NRL: variants seen among roughly 807,000 people sequenced by gnomAD.
NRL encodes neural retina leucine zipper, also known as neural retina-specific leucine zipper protein.
Under a neutral mutation model 12.5 loss-of-function variants are expected in NRL, and 16 were observed. The observed-to-expected ratio is 1.28, with a 90% CI of 0.87 to 1.95. The LOEUF (loss-of-function observed/expected upper bound fraction) is 1.95. Among genes scored for constraint, NRL ranks in the 30% most tolerant of loss-of-function variants. The pLI, the probability that NRL is intolerant of heterozygous loss-of-function variation, is 0.00. For missense variants in NRL, 314 were observed against 325.8 expected, an observed-to-expected ratio of 0.96 and a Z score of 0.28; for synonymous variants, 142 against 150.9, an observed-to-expected ratio of 0.94 and a Z score of 0.43.
chr14:24,083,006 C>T, intron 1 of NRL, 131 bp from the exon 2 acceptor site: 2 of 829,586 alleles, frequency 2.4e-6, no homozygotes, highest in Middle Eastern at 3.6e-4. Flanking sequence ...TGGTGCAGCT[C>T]TGTTCACTGC....
rs1283835572 is a variant in NRL, at chr14:24,094,291, G to A, written c.-27-11416C>T. 3.8e-6 allele frequency: 4 copies of A among 1,044,046 alleles called. No homozygotes were observed. The highest frequency in any genetic ancestry group is 1.7e-5 in the African/African-American group (1 of 59,920). The allele number at this position is 1,044,046 out of a possible 1,614,324, so 64.7% of individuals were successfully genotyped here. A position where few individuals can be genotyped will look rare whatever the true frequency, so the allele number is the denominator to read the frequency against. ...GCGCCTGCCCCCCTCCTTTTTAAGC[G>A]CCTCCCGCCAGCCTCTGCTGTGGCT... On this transcript the variant is annotated intron_variant, in intron 1 of 2. Transcript: ENST00000561028. The surrounding 1 kb of genome is among the most constrained non-coding windows in gnomAD (Gnocchi z 4.1).
At position 24,081,730 on chromosome 14, in the gene NRL, G is replaced by C. The variant is rs1566559819; in HGVS notation, c.382-162C>G. ...CGCAGTCTGTTTCGGTCCAGAGCCC[G>C]CCCCAGGCCCCGACGCTCCCCGGGC... On this transcript the variant is annotated intron_variant, in intron 2 of 2. Coordinates refer to ENST00000561028, the MANE Select transcript of NRL (RefSeq NM_001354768.3). The surrounding 1 kb of genome is among the most constrained non-coding windows in gnomAD (Gnocchi z 4.4). 4 of 1,521,316 alleles carry C rather than the reference G, an allele frequency of 2.6e-6. No individual in the cohort carries two copies. In the Admixed American group the frequency reaches 8.0e-5, roughly 30 times the overall value. The allele number at this position is 1,521,316 out of a possible 1,614,324, so 94.2% of individuals were successfully genotyped here. A position where few individuals can be genotyped will look rare whatever the true frequency, so the allele number is the denominator to read the frequency against.
intron 1 of NRL, chr14:24,102,565 A>G (rs2037203354): frequency 1.7e-6 from 1 of 601,190 alleles, no homozygotes; most frequent in East Asian, 2.6e-5. Context: ...CCGCACCTTC[A>G]TGGCTAAACA....
intron 1 of NRL, among the ~76,000 whole-genome samples, chr14:24,087,092 G>A (rs1229099409): frequency 2.0e-5 from 3 of 152,216 alleles, no homozygotes; most frequent in Middle Eastern, 3.2e-3. Flanking sequence ...AGGAGACTAA[G>A]GAGGCAGTAG....
At chr14:24,108,336 C>A (rs2037369508) in intron 1 of NRL, among the ~76,000 whole-genome samples, 1 of 152,272 alleles carries the variant, frequency 6.6e-6, no homozygotes, top group African/African-American at 2.4e-5. Flanking sequence ...TATTCAAAAT[C>A]AGGGCTAAAG....
rs1157578002 is a variant in NRL at position 24,082,918 on chromosome 14, G to A, written c.-27-43C>T. Reference sequence around the variant, plus strand: ...GGTCTGGAGCACATGGAGGCCACCTGCCATCCCCTCTTCACCAAGTCCCTC... The same window carrying A: ...GGTCTGGAGCACATGGAGGCCACCTACCATCCCCTCTTCACCAAGTCCCTC... On this transcript the variant is annotated intron_variant, in intron 1 of 2. Coordinates refer to ENST00000561028, the MANE Select transcript of NRL (RefSeq NM_001354768.3). 1.5e-5 allele frequency: 23 copies of A among 1,538,960 alleles called. No individual in the cohort carries two copies. In the Admixed American group the frequency reaches 4.3e-4, roughly 29 times the overall value.
intron 1 of NRL, chr14:24,097,175 C>T (rs370135081): frequency 1.9e-6 from 3 of 1,600,306 alleles, no homozygotes; most frequent in Non-Finnish European, 2.6e-6. Flanking sequence ...GATAGGTGCA[C>T]TGAGGCCACT....
At chr14:24,107,771 T>C (rs186981895) in intron 1 of NRL, among the ~76,000 whole-genome samples, 19 of 152,376 alleles carry the variant, frequency 1.2e-4, no homozygotes, top group Admixed American at 4.6e-4. Context: ...ACAGCCATAT[T>C]TGAGTTGTCA....
chr14:24,099,733 C>G (rs369324616), intron 1 of NRL: 3 of 1,609,640 alleles, frequency 1.9e-6, no homozygotes, highest in Non-Finnish European at 2.6e-6. Flanking sequence ...GAGGGACTCT[C>G]AGATCATACT....
At chr14:24,101,182 A>G (rs1032485795) in intron 1 of NRL, among the ~76,000 whole-genome samples, 5 of 152,204 alleles carry the variant, frequency 3.3e-5, no homozygotes, top group Admixed American at 6.5e-5. Flanking sequence ...CCCACAGGCT[A>G]GTTCCCCAAC....
chr14:24,098,061 G>A (rs2036971873), intron 1 of NRL: 1 of 689,594 alleles, frequency 1.5e-6, no homozygotes, highest in African/African-American at 1.8e-5. Flanking sequence ...ACAAAGCCTG[G>A]AGGAAGGGAC....
chr14:24,113,409 G>A (rs1303849184), intron 1 of NRL, among the ~76,000 whole-genome samples: 1 of 152,104 alleles, frequency 6.6e-6, no homozygotes, highest in Non-Finnish European at 1.5e-5. Flanking sequence ...TCACATTCTG[G>A]GAGAACGCAG....
At chr14:24,082,033 T>A (rs1228016221) in intron 2 of NRL, 1 of 1,198,372 alleles carries the variant, frequency 8.3e-7, no homozygotes, top group Non-Finnish European at 1.0e-6. Context: ...CTGTAATTAA[T>A]AGGATGAGTC....
intron 1 of NRL, chr14:24,103,410 G>T: frequency 8.1e-7 from 1 of 1,236,188 alleles, no homozygotes; most frequent in Non-Finnish European, 1.2e-6. Flanking sequence ...AAGATATTCA[G>T]AACCATAAGC....
intron 1 of NRL, among the ~76,000 whole-genome samples, chr14:24,092,441 G>A (rs927480116): frequency 6.6e-6 from 1 of 152,212 alleles, no homozygotes; most frequent in Non-Finnish European, 1.5e-5. Context: ...CATTTGCTGA[G>A]GTAGGAAACC....
At position 24,079,247 on chromosome 14, in the gene NRL, T is replaced by C. The variant is rs750594709; in HGVS notation, c.*1989A>G. Among the ~76,000 whole-genome samples, 3 of 152,182 alleles carry C rather than the reference T, an allele frequency of 2.0e-5. No individual in the cohort carries two copies. Among genetic ancestry groups the C allele is most frequent in the Non-Finnish European group, 2.9e-5 (2 of 68,036 alleles). ...TGGTTCTGTCTGTCTTTGTGTGCCA[T>C]GCAGGTGAGAAAAGTGAACAAGAAA... On this transcript the variant is annotated 3_prime_UTR_variant, in exon 3 of 3. Transcript: ENST00000561028.
intron 1 of NRL, among the ~76,000 whole-genome samples, chr14:24,108,401 G>T (rs555162262): frequency 6.6e-6 from 1 of 152,156 alleles, no homozygotes; most frequent in Non-Finnish European, 1.5e-5. Context: ...GCAGTAGCGT[G>T]ATCACAGCTC....
chr14:24,103,440 C>A, intron 1 of NRL: 3 of 1,361,180 alleles, frequency 2.2e-6, no homozygotes, highest in Non-Finnish European at 3.1e-6. Flanking sequence ...CTTCCTCCAA[C>A]TGGATGCAGG....
rs953937268 is a variant in NRL at position 24,080,984 on chromosome 14, G to C, written c.*252C>G. ...AGTGCCTGGCACTGGTCCCTGCAGA[G>C]CTCAGCGTGCTAGTCATGTGGGCTG... On this transcript the variant is annotated 3_prime_UTR_variant, in exon 3 of 3. Transcript: ENST00000561028. 8.0e-6 allele frequency: 3 copies of C among 375,104 alleles called. No homozygotes were observed. The East Asian group carries it at 1.2e-4, about 15-fold the overall frequency. The allele number at this position is 375,104 out of a possible 1,614,324, so 23.2% of individuals were successfully genotyped here. A position where few individuals can be genotyped will look rare whatever the true frequency, so the allele number is the denominator to read the frequency against.
Sources: allele counts gnomAD v4.1 joint callset (sites outside exome capture counted in the v4.1 genomes callset), GRCh38; gene constraint gnomAD v4.1.1; non-coding constraint Gnocchi (gnomAD v3.1); transcripts MANE v1.5; gene names NCBI Gene and HGNC (gene_info 2026-07-23, HGNC 2026-07-21).